The following MTNR1A variants were observed in gnomAD, a reference collection of about 807,000 sequenced individuals.
MTNR1A encodes melatonin receptor type 1A.
MTNR1A carries 7 observed loss-of-function variants against 5.5 expected under a neutral mutation model. The ratio of observed to expected loss-of-function variants is 1.28; its 90% CI spans 0.73 to 2.40. MTNR1A has a LOEUF of 2.40. Among genes scored for constraint, MTNR1A ranks in the 30% most tolerant of loss-of-function variants. The pLI is 0.00. For synonymous variants in MTNR1A, 196 were observed against 202.7 expected (o/e 0.97, Z 0.28); for missense variants, 441 against 464.4 (o/e 0.95, Z 0.46).
intron 1 of MTNR1A, among the ~76,000 whole-genome samples, chr4:186,540,847 T>TCTGA (rs878893332): frequency 4.5e-5 from 4 of 89,460 alleles, no homozygotes; most frequent in South Asian, 5.9e-4. Flanking sequence ...CCAGGTGCTG[T>TCTGA]CTGACTGAAG....
intron 1 of MTNR1A, among the ~76,000 whole-genome samples, chr4:186,537,664 G>A (rs906952200): frequency 1.1e-4 from 16 of 152,298 alleles, no homozygotes; most frequent in African/African-American, 2.4e-4. Context: ...GGATGAAGTC[G>A]TACGACTACT....
At chr4:186,550,628 C>G (rs190168329) in intron 1 of MTNR1A, among the ~76,000 whole-genome samples, 29 of 152,228 alleles carry the variant, frequency 1.9e-4, no homozygotes, top group Non-Finnish European at 1.8e-4. Context: ...GAGGTCTAAT[C>G]TAGGACTATT....
At chr4:186,542,894 C>G (rs1737057880) in intron 1 of MTNR1A, among the ~76,000 whole-genome samples, 1 of 152,102 alleles carries the variant, frequency 6.6e-6, no homozygotes, top group South Asian at 2.1e-4. Flanking sequence ...CCCAGGGGTT[C>G]AAGACCTGCC....
Position 186,534,151 on chromosome 4 carries a change from G to T in MTNR1A, c.591C>A (p.Leu197=). Residue 197 remains leucine (L), a synonymous_variant, in exon 2 of 2, where the codon CTC becomes CTA. Transcript: ENST00000307161. ...YTIAVVVFHF[L]VPMIIVIFCY... is the part of the protein sequence containing the mutation. ...AGAAGATGACTATGATCATGGGGAC[G>T]AGGAAGTGGAAAACCACCACGGCGA... 6.2e-7 allele frequency: 1 copy of T among 1,613,578 alleles called. No homozygotes were observed.
chr4:186,555,461 GC>G lies in MTNR1A; in HGVS notation c.-97del. Reference sequence around the variant, plus strand: ...TCCGCCCGGCGCTCCCCGCGCCCACGCCCCATCCCGCGCGCTCCTCCACGCC... The same window carrying G: ...TCCGCCCGGCGCTCCCCGCGCCCACGCCCATCCCGCGCGCTCCTCCACGCC... On this transcript the variant is annotated 5_prime_UTR_variant, in exon 1 of 2. The change abolishes the stop of an existing upstream ORF in the 5' untranslated region. Coordinates refer to ENST00000307161, the MANE Select transcript of MTNR1A (RefSeq NM_005958.4). This position sits in a 1 kb window ranked among gnomAD's most constrained non-coding sequence, Gnocchi z 4.1. 9.6e-7 allele frequency: 1 copy of G among 1,042,732 alleles called. No homozygotes were observed. Among genetic ancestry groups the G allele is most frequent in the Non-Finnish European group, 1.2e-6 (1 of 820,278 alleles). The allele number at this position is 1,042,732 out of a possible 1,614,324, so 64.6% of individuals were successfully genotyped here. A position where few individuals can be genotyped will look rare whatever the true frequency, so the allele number is the denominator to read the frequency against.
In MTNR1A at chr4:186,534,410, A is replaced by G; in HGVS notation, c.332T>C (p.Val111Ala). The stretch of plus-strand genomic sequence containing the variant: ...GGTGATGTTGAATATGGAGCCGATG[A>G]CGCTCAGGCCCATCAGGAACCCACT... ...QVSGFLMGLS[V>A]IGSIFNITGI... Residue 111 changes from valine (V) to alanine (A), a missense_variant, in exon 2 of 2, where the codon GTC (valine) becomes GCC (alanine). Val to Ala is a moderately conservative substitution (Grantham distance 64). Transcript: ENST00000307161. 1.2e-6 allele frequency: 2 copies of G among 1,614,120 alleles called. No individual in the cohort carries two copies. The highest frequency in any genetic ancestry group is 1.7e-6 in the Non-Finnish European group (2 of 1,180,006).
chr4:186,540,109 C>G (rs1736976326), intron 1 of MTNR1A, among the ~76,000 whole-genome samples: 1 of 152,166 alleles, frequency 6.6e-6, no homozygotes, highest in Non-Finnish European at 1.5e-5. Context: ...GGAAACTCCC[C>G]CTTATAGAAC....
chr4:186,548,838 TATATATATAC>T (rs796301659), intron 1 of MTNR1A, among the ~76,000 whole-genome samples: 10,521 of 104,836 alleles, frequency 0.1, 993 homozygotes, highest in African/African-American at 0.13. Context: ...TATATATATA[TATATATATAC>T]ACTATATATG....
intron 1 of MTNR1A, among the ~76,000 whole-genome samples, chr4:186,544,477 T>A (rs987420648): frequency 1.3e-5 from 2 of 152,214 alleles, no homozygotes; most frequent in Non-Finnish European, 2.9e-5. Context: ...CACACTGCAA[T>A]CCTCAGGCTG....
intron 1 of MTNR1A, among the ~76,000 whole-genome samples, chr4:186,549,747 G>A (rs905316024): frequency 6.6e-6 from 1 of 152,100 alleles, no homozygotes; most frequent in Non-Finnish European, 1.5e-5. Context: ...AGTCGGAGCC[G>A]CGTTTGACCC....
At chr4:186,552,059 T>C (rs926588840) in intron 1 of MTNR1A, among the ~76,000 whole-genome samples, 7 of 152,212 alleles carry the variant, frequency 4.6e-5, no homozygotes, top group African/African-American at 1.4e-4. Flanking sequence ...CGCTGATGAA[T>C]CAGGTGATGA....
chr4:186,552,038 A>AC (rs1737275426), intron 1 of MTNR1A, among the ~76,000 whole-genome samples: 1 of 152,202 alleles, frequency 6.6e-6, no homozygotes, highest in Non-Finnish European at 1.5e-5. Context: ...ACCACTCATG[A>AC]TGACATCTCT....
At chr4:186,544,899 C>T (rs900026040) in intron 1 of MTNR1A, among the ~76,000 whole-genome samples, 1 of 152,170 alleles carries the variant, frequency 6.6e-6, no homozygotes, top group Admixed American at 6.5e-5. Context: ...CCAGAGACTG[C>T]CTTCACTGAT....
At chr4:186,535,801 C>T (rs549713938) in intron 1 of MTNR1A, among the ~76,000 whole-genome samples, 17 of 152,238 alleles carry the variant, frequency 1.1e-4, no homozygotes, top group African/African-American at 3.1e-4. Context: ...CCTTCTGCCT[C>T]GAATGGCTCC....
chr4:186,554,667 G>T (rs903093604), intron 1 of MTNR1A, among the ~76,000 whole-genome samples: 10 of 152,188 alleles, frequency 6.6e-5, no homozygotes, highest in Non-Finnish European at 1.2e-4. Flanking sequence ...TGGAGGAGCC[G>T]CCGCCTGCCG....
At chr4:186,551,672 T>C (rs987863700) in intron 1 of MTNR1A, among the ~76,000 whole-genome samples, 1 of 152,110 alleles carries the variant, frequency 6.6e-6, no homozygotes, top group Admixed American at 6.6e-5. Context: ...TTTATCCTTC[T>C]AGTATCCCTG....
At chr4:186,546,577 C>T (rs1234434292) in intron 1 of MTNR1A, among the ~76,000 whole-genome samples, 2 of 152,066 alleles carry the variant, frequency 1.3e-5, no homozygotes, top group South Asian at 2.1e-4. Flanking sequence ...CCACACCACA[C>T]CCTGTTCATG....
chr4:186,547,601 C>T (rs1466413171), intron 1 of MTNR1A, among the ~76,000 whole-genome samples: 1 of 152,214 alleles, frequency 6.6e-6, no homozygotes, highest in Non-Finnish European at 1.5e-5. Flanking sequence ...GTCCTCCTGG[C>T]TCATTCCTCT....
chr4:186,550,944 A>C (rs1465254695), intron 1 of MTNR1A, among the ~76,000 whole-genome samples: 1 of 152,182 alleles, frequency 6.6e-6, no homozygotes, highest in Non-Finnish European at 1.5e-5. Context: ...ACTGAACAAC[A>C]GCTAAGAATA....
Sources: gnomAD v4.1 joint callset for allele counts (sites outside exome capture counted in the v4.1 genomes callset) on GRCh38, gnomAD v4.1.1 for gene constraint, Gnocchi (gnomAD v3.1) non-coding constraint, MANE v1.5 for transcripts, NCBI Gene and HGNC (gene_info 2026-07-23, HGNC 2026-07-21) for gene names.